Variants in ITGA8 observed in about 807,000 individuals in gnomAD.
ITGA8 encodes integrin alpha-8.
ITGA8 carries 91 observed loss-of-function variants against 142.3 expected under a neutral mutation model. The ratio of observed to expected loss-of-function variants is 0.64; its 90% CI spans 0.54 to 0.76. The LOEUF (loss-of-function observed/expected upper bound fraction) is 0.76, where lower values mean the gene tolerates loss of function less well. Among genes scored for constraint, ITGA8 ranks in the 30% least tolerant of loss-of-function variants. ITGA8 has a pLI of 0.00. For synonymous variants in ITGA8, 505 were observed against 485.2 expected (o/e 1.04, Z -0.54); for missense variants, 1,406 against 1,327.7 (o/e 1.06, Z -0.92).
In ITGA8 at chr10:15,548,532, C is replaced by A; in HGVS notation, c.2803G>T (p.Ala935Ser). The change falls in exon 27 of 30, where the codon GCA (alanine) becomes TCA (serine). Residue 935 changes from alanine to serine, a missense_variant. Physicochemically the swap from Ala to Ser is moderately conservative, Grantham distance 99. Coordinates refer to ENST00000378076, the MANE Select transcript of ITGA8 (RefSeq NM_003638.3). ...TCTCCTCCTTCGAGTCGTCCCACTG[C>A]ACAGGAGATTTGTAAACACTCGATA... Reference protein sequence around the residue: ...TNIECLQISCAVGRLEGGESA... With the variant: ...TNIECLQISCSVGRLEGGESA... The A allele has an allele frequency of 1.2e-6, 2 of 1,609,184 alleles. No homozygotes were observed. Among genetic ancestry groups the A allele is most frequent in the South Asian group, 1.1e-5 (1 of 89,988 alleles).
intron 2 of ITGA8, among the ~76,000 whole-genome samples, chr10:15,709,091 G>A (rs185473406): frequency 6.2e-4 from 95 of 152,312 alleles, no homozygotes; most frequent in African/African-American, 2.2e-3. Flanking sequence ...GGTTGATTTC[G>A]TTTGTGAATT....
chr10:15,632,458 T>C (rs1018088864), intron 13 of ITGA8, among the ~76,000 whole-genome samples: 1 of 152,244 alleles, frequency 6.6e-6, no homozygotes, highest in Admixed American at 6.5e-5. Context: ...GGTCTTTTCA[T>C]AAATGCAGCT....
chr10:15,669,628 T>C (rs908505167), intron 8 of ITGA8, among the ~76,000 whole-genome samples: 1 of 152,178 alleles, frequency 6.6e-6, no homozygotes, highest in South Asian at 2.1e-4. Context: ...TCTGTTTTTT[T>C]CCCATCTTTG....
At chr10:15,570,738 G>A (rs561188523) in intron 25 of ITGA8, among the ~76,000 whole-genome samples, 13 of 151,048 alleles carry the variant, frequency 8.6e-5, no homozygotes, top group East Asian at 5.8e-4. Context: ...TAATACTATC[G>A]TAGTCACAGT....
chr10:15,687,204 T>C (rs1834847578), intron 3 of ITGA8, among the ~76,000 whole-genome samples: 1 of 151,850 alleles, frequency 6.6e-6, no homozygotes, highest in South Asian at 2.1e-4. Flanking sequence ...TAGATACTTA[T>C]TCTTATTAAA....
intron 13 of ITGA8, among the ~76,000 whole-genome samples, chr10:15,639,025 A>G (rs2131641102): frequency 6.6e-6 from 1 of 152,168 alleles, no homozygotes; most frequent in Non-Finnish European, 1.5e-5. Flanking sequence ...GCCACTTAGG[A>G]GGCTGAGGTA....
chr10:15,625,225 G>T (rs1346981644), intron 13 of ITGA8, among the ~76,000 whole-genome samples: 1 of 152,132 alleles, frequency 6.6e-6, no homozygotes, highest in East Asian at 1.9e-4. Flanking sequence ...CTGGGGGATT[G>T]TTTTCCTTTT....
chr10:15,582,681 C>T (rs544681130), intron 23 of ITGA8, among the ~76,000 whole-genome samples: 1 of 152,356 alleles, frequency 6.6e-6, no homozygotes, highest in East Asian at 1.9e-4. Context: ...TGAAAAGATG[C>T]CCAATGTAAC....
intron 21 of ITGA8, among the ~76,000 whole-genome samples, chr10:15,595,805 C>G (rs1270296994): frequency 6.6e-6 from 1 of 152,196 alleles, no homozygotes; most frequent in Non-Finnish European, 1.5e-5. Flanking sequence ...GTGGCACACA[C>G]CTGTAATTCC....
At chr10:15,668,535 T>G (rs375497611) in intron 8 of ITGA8, among the ~76,000 whole-genome samples, 118 of 152,008 alleles carry the variant, frequency 7.8e-4, no homozygotes, top group African/African-American at 2.5e-3. Flanking sequence ...AGTTAATATT[T>G]TTATGTGTGA....
Position 15,707,127 on chromosome 10 carries a change from AAG to A in ITGA8, c.343+11637_343+11638del, listed in dbSNP as rs200770386. Among the ~76,000 whole-genome samples, 1,189 of 152,306 alleles carry A rather than the reference AAG, an allele frequency of 7.8e-3. 7 individuals are homozygous for A. Among genetic ancestry groups the A allele is most frequent in the South Asian group, 0.012 (56 of 4,822 alleles). ...TGTGGTACAAAAAATAATACCGCTCAAGAGGGCTACATCTGAATCTCCCAAAA... is the reference window on the plus strand; with the variant it reads ...TGTGGTACAAAAAATAATACCGCTCAAGGGCTACATCTGAATCTCCCAAAA... On this transcript the variant is annotated intron_variant, in intron 2 of 29. Transcript: ENST00000378076.
chr10:15,649,395 C>T, intron 11 of ITGA8, among the ~76,000 whole-genome samples: 1 of 151,576 alleles, frequency 6.6e-6, no homozygotes, highest in Non-Finnish European at 1.5e-5. Context: ...CTTTGGGAGG[C>T]CGAGGTGGTC....
At chr10:15,557,952 T>C (rs1351404882) in intron 26 of ITGA8, 122 bp downstream of exon 26, 3 of 1,216,936 alleles carry the variant, frequency 2.5e-6, no homozygotes, top group Admixed American at 2.1e-5. Flanking sequence ...CTGCCAAACG[T>C]TAGGAATATC....
rs543965107 is a variant in ITGA8 at position 15,585,287 on chromosome 10, T to C, written c.2372+1297A>G. ...AGTTGCCTATATTTACATTCTGGCA[T>C]TTTCTAGTTTAACCTTCAACTCCTT... is the stretch of plus-strand genomic sequence containing the variant. On this transcript the variant is annotated intron_variant, in intron 23 of 29. Transcript: ENST00000378076. Among the ~76,000 whole-genome samples the C allele has an allele frequency of 2.0e-4, 30 of 152,344 alleles. No homozygotes were observed. The Middle Eastern group carries it at 0.01, about 52-fold the overall frequency.
chr10:15,608,800 G>A (rs1252477442), intron 15 of ITGA8, among the ~76,000 whole-genome samples: 1 of 152,082 alleles, frequency 6.6e-6, no homozygotes, highest in Non-Finnish European at 1.5e-5. Flanking sequence ...TGAAAGTCAT[G>A]CTAAAAAATG....
At chr10:15,548,648 C>G (rs907853800) in intron 26 of ITGA8, 80 bp from the exon 27 acceptor site, 2 of 829,760 alleles carry the variant, frequency 2.4e-6, no homozygotes, top group Non-Finnish European at 3.9e-6. Flanking sequence ...ATTTACATTT[C>G]ATTTCCTCAA....
intron 2 of ITGA8, among the ~76,000 whole-genome samples, chr10:15,700,794 C>T (rs1254979828): frequency 1.3e-5 from 2 of 152,208 alleles, no homozygotes; most frequent in South Asian, 4.1e-4. Flanking sequence ...CTCAGAGACA[C>T]AAGCCCTAAG....
intron 21 of ITGA8, among the ~76,000 whole-genome samples, chr10:15,595,264 T>C (rs946677588): frequency 6.6e-6 from 1 of 152,240 alleles, no homozygotes; most frequent in Non-Finnish European, 1.5e-5. Context: ...TGGCAATTTA[T>C]GTTGCTTTTA....
At chr10:15,693,597 A>G (rs975574528) in intron 2 of ITGA8, among the ~76,000 whole-genome samples, 1 of 152,202 alleles carries the variant, frequency 6.6e-6, no homozygotes, top group Non-Finnish European at 1.5e-5. Flanking sequence ...GAAAATATAG[A>G]CATTTCTATT....
Sources: allele counts gnomAD v4.1 joint callset (sites outside exome capture counted in the v4.1 genomes callset), GRCh38; gene constraint gnomAD v4.1.1; transcripts MANE v1.5; gene names NCBI Gene and HGNC (gene_info 2026-07-23, HGNC 2026-07-21).